MYH14: variants seen among roughly 807,000 people sequenced by gnomAD.
MYH14 encodes myosin-14.
MYH14 carries 123 observed loss-of-function variants against 255.5 expected under a neutral mutation model. The observed-to-expected ratio is 0.48, with a 90% CI of 0.42 to 0.56. The LOEUF (loss-of-function observed/expected upper bound fraction) is 0.56. Ranked by LOEUF, MYH14 falls within the 20% of genes least tolerant of loss-of-function variation. The pLI is 0.00. For synonymous variants in MYH14, 1,095 were observed against 1,161.2 expected, an observed-to-expected ratio of 0.94 and a Z score of 1.16; for missense variants, 2,423 against 2,802.3, an observed-to-expected ratio of 0.86 and a Z score of 3.06.
chr19:50,223,643 C>A (rs568996523), intron 5 of MYH14, among the ~76,000 whole-genome samples: 18 of 152,164 alleles, frequency 1.2e-4, no homozygotes, highest in Non-Finnish European at 2.4e-4. Flanking sequence ...GATCATGATG[C>A]CTGGGTTTGT....
chr19:50,233,084 C>T (rs1172158501), intron 10 of MYH14, among the ~76,000 whole-genome samples: 1 of 152,134 alleles, frequency 6.6e-6, no homozygotes, highest in Non-Finnish European at 1.5e-5. Context: ...CAGGGCTGCT[C>T]AGGTTGGCCC....
At chr19:50,291,701 C>T (rs923728385) in intron 36 of MYH14, among the ~76,000 whole-genome samples, 6 of 151,926 alleles carry the variant, frequency 3.9e-5, no homozygotes, top group African/African-American at 1.5e-4. Flanking sequence ...CCTGTTTCTA[C>T]TAAAAATACA....
intron 22 of MYH14, among the ~76,000 whole-genome samples, chr19:50,264,125 C>T (rs2034998209): frequency 6.8e-6 from 1 of 148,064 alleles, no homozygotes; most frequent in South Asian, 2.1e-4. Context: ...CTCGGAGAGA[C>T]CAAGCATGAG....
Position 50,276,222 on chromosome 19 carries a change from C to A in MYH14, c.3680+19C>A. On this transcript the variant is annotated intron_variant, in intron 28 of 42. Coordinates refer to ENST00000642316, the MANE Select transcript of MYH14 (RefSeq NM_001145809.2). The surrounding 1 kb of genome is among the most constrained non-coding windows in gnomAD (Gnocchi z 4.3). ...AGCTCCGGTGAGGCCCGGTGGCAGG[C>A]CGCTGTCACAGCCTGTGCACATACA... is the stretch of plus-strand genomic sequence containing the variant. 6.6e-7 allele frequency: 1 copy of A among 1,511,724 alleles called. No individual in the cohort carries two copies. Among genetic ancestry groups the A allele is most frequent in the South Asian group, 1.2e-5 (1 of 80,670 alleles). The allele number at this position is 1,511,724 out of a possible 1,614,324, so 93.6% of individuals were successfully genotyped here. A position where few individuals can be genotyped will look rare whatever the true frequency, so the allele number is the denominator to read the frequency against.
intron 35 of MYH14, among the ~76,000 whole-genome samples, chr19:50,290,172 C>G (rs2036023846): frequency 6.6e-6 from 1 of 152,028 alleles, no homozygotes; most frequent in Non-Finnish European, 1.5e-5. Context: ...CCAACCCCTC[C>G]CCTATTTACC....
intron 24 of MYH14, 42 bp from the exon 25 acceptor site, chr19:50,271,367 T>A: frequency 6.3e-7 from 1 of 1,576,310 alleles, no homozygotes; most frequent in Non-Finnish European, 8.6e-7. Context: ...ACACTCCATC[T>A]ATTGGCCCAG....
Position 50,250,424 on chromosome 19 carries a change from AGTGTGACT to A in MYH14, c.1657-90_1657-83del, listed in dbSNP as rs1366612932. ...CATCTCACGTTTGTTTTTATGTCCA[AGTGTGACT>A]TATAAGAGCTAAAAATCAGCAGCCA... On this transcript the variant is annotated intron_variant, in intron 14 of 42. Coordinates refer to ENST00000642316, the MANE Select transcript of MYH14 (RefSeq NM_001145809.2). The surrounding 1 kb of genome is among the most constrained non-coding windows in gnomAD (Gnocchi z 5.4). The A allele has an allele frequency of 2.2e-6, 3 of 1,355,024 alleles. No homozygotes were observed. Among genetic ancestry groups the A allele is most frequent in the Non-Finnish European group, 3.1e-6 (3 of 971,210 alleles). The allele number at this position is 1,355,024 out of a possible 1,614,324, so 83.9% of individuals were successfully genotyped here. A position where few individuals can be genotyped will look rare whatever the true frequency, so the allele number is the denominator to read the frequency against.
At chr19:50,286,781 A>G in intron 34 of MYH14, 87 bp downstream of exon 34, 1 of 1,271,974 alleles carries the variant, frequency 7.9e-7, no homozygotes, top group Middle Eastern at 2.6e-4. Context: ...AACATGAAAA[A>G]CAACCAGCCA....
chr19:50,276,794 A>G lies in MYH14; in HGVS notation c.3718A>G (p.Thr1240Ala). ...REQEVTELKKTLEEETRIHEA... is the reference protein window; with the variant it reads ...REQEVTELKKALEEETRIHEA... ...ACAGGAGGTGACGGAGCTGAAGAAG[A>G]CTCTGGAGGAGGAGACTCGCATCCA... The change falls in exon 29 of 43, where the codon ACT (threonine) becomes GCT (alanine). Residue 1240 changes from threonine to alanine, a missense_variant. Physicochemically the swap from Thr to Ala is moderately conservative, Grantham distance 58. Coordinates refer to ENST00000642316, the MANE Select transcript of MYH14 (RefSeq NM_001145809.2). The surrounding 1 kb of genome is among the most constrained non-coding windows in gnomAD (Gnocchi z 4.3). 2 of 1,613,248 alleles carry G rather than the reference A, an allele frequency of 1.2e-6. No homozygotes were observed.
In MYH14 at chr19:50,250,526, T is replaced by C; in HGVS notation, c.1668T>C (p.Pro556=). The change falls in exon 15 of 43, where the codon CCT becomes CCC. Residue 556 remains proline, a synonymous_variant. Coordinates refer to ENST00000642316, the MANE Select transcript of MYH14 (RefSeq NM_001145809.2). The surrounding 1 kb of genome is among the most constrained non-coding windows in gnomAD (Gnocchi z 5.4). The stretch of plus-strand genomic sequence containing the variant: ...CTGTCAATGGCCAGGCCAACCCCCC[T>C]GGACTCCTGGCCCTGCTGGATGAGG... ...IDLIERPANP[P]GLLALLDEEC... 6.2e-7 allele frequency: 1 copy of C among 1,613,198 alleles called. No individual in the cohort carries two copies. The highest frequency in any genetic ancestry group is 8.5e-7 in the Non-Finnish European group (1 of 1,179,638).
chr19:50,264,055 CAAAAAA>C (rs34015428), intron 22 of MYH14, among the ~76,000 whole-genome samples: 2 of 33,420 alleles, frequency 6.0e-5, no homozygotes, highest in East Asian at 1.0e-3. Context: ...AACTCTGTCT[CAAAAAA>C]AAAAAAAAAA....
intron 2 of MYH14, among the ~76,000 whole-genome samples, chr19:50,213,579 G>A (rs2032313961): frequency 6.6e-6 from 1 of 152,190 alleles, no homozygotes; most frequent in South Asian, 2.1e-4. Flanking sequence ...TTCCAGACAG[G>A]AAGCACATTG....
At chr19:50,257,575 G>C (rs745858434) in intron 18 of MYH14, 89 bp downstream of exon 18, 17 of 1,294,332 alleles carry the variant, frequency 1.3e-5, no homozygotes, top group Non-Finnish European at 1.9e-5. Flanking sequence ...CATCTGATTC[G>C]AGGACCCTCA....
At chr19:50,217,812 T>TC in intron 3 of MYH14, 41 bp downstream of exon 3, 1 of 1,601,864 alleles carries the variant, frequency 6.2e-7, no homozygotes, top group Non-Finnish European at 8.5e-7. Flanking sequence ...AGGCGGCTCT[T>TC]CAACGGGGGC....
At chr19:50,249,263 C>T in intron 13 of MYH14, 124 bp downstream of exon 13, 3 of 1,165,940 alleles carry the variant, frequency 2.6e-6, no homozygotes, top group East Asian at 2.6e-5. Context: ...AGTCTCTGTT[C>T]CCCCCTCTCT....
chr19:50,234,031 G>T (rs2123247174), intron 10 of MYH14, among the ~76,000 whole-genome samples: 1 of 151,976 alleles, frequency 6.6e-6, no homozygotes, highest in Middle Eastern at 3.4e-3. Context: ...AGTTGGCCAG[G>T]CTGGTCTCGA....
At chr19:50,249,529 C>T in intron 13 of MYH14, 121 bp from the exon 14 acceptor site, 2 of 1,087,326 alleles carry the variant, frequency 1.8e-6, no homozygotes, top group African/African-American at 1.6e-5. Context: ...CTGTCCCCCT[C>T]TCTCTGGGTC....
chr19:50,298,688 T>C (rs1601059153), intron 39 of MYH14, among the ~76,000 whole-genome samples: 1 of 149,442 alleles, frequency 6.7e-6, no homozygotes, highest in African/African-American at 2.5e-5. Context: ...GAGGCAGAGG[T>C]TACAGTGAGC....
intron 35 of MYH14, among the ~76,000 whole-genome samples, chr19:50,289,942 G>A (rs1212442284): frequency 6.6e-6 from 1 of 151,938 alleles, no homozygotes; most frequent in Non-Finnish European, 1.5e-5. Flanking sequence ...CCATTAACCT[G>A]CCATGACCCA....
Sources: allele counts gnomAD v4.1 joint callset (sites outside exome capture counted in the v4.1 genomes callset), GRCh38; gene constraint gnomAD v4.1.1; non-coding constraint Gnocchi (gnomAD v3.1); transcripts MANE v1.5; gene names NCBI Gene and HGNC (gene_info 2026-07-23, HGNC 2026-07-21).